EPS15L1: variants seen among roughly 807,000 people sequenced by gnomAD.
The protein encoded by EPS15L1 is epidermal growth factor receptor substrate 15-like 1.
Under a neutral mutation model 117.1 loss-of-function variants are expected in EPS15L1, and 43 were observed. That is an observed-to-expected ratio of 0.37 (90% CI 0.29 to 0.47). The LOEUF is 0.47. EPS15L1 is among the 20% of genes least tolerant of loss of function. EPS15L1 has a pLI of 0.99. For synonymous variants in EPS15L1, 459 were observed against 470.5 expected, an observed-to-expected ratio of 0.98 and a Z score of 0.32; for missense variants, 981 against 1,164.0, an observed-to-expected ratio of 0.84 and a Z score of 2.29.
rs902893673 is a variant in EPS15L1, at chr19:16,371,477, G to T, written c.2380+5645C>A. On this transcript the variant is annotated intron_variant, in intron 22 of 23. Transcript: ENST00000455140. This position sits in a 1 kb window ranked among gnomAD's most constrained non-coding sequence, Gnocchi z 4.7. ...TGTTCGTTAGTGCAACTGTGGGGAG[G>T]GGGCGAAAAGACATGCTCATCACCA... 6.6e-6 allele frequency among the ~76,000 whole-genome samples: 1 copy of T among 152,206 alleles called. No individual in the cohort carries two copies. The highest frequency in any genetic ancestry group is 1.5e-5 in the Non-Finnish European group (1 of 68,024).
rs1238286445 is a variant in EPS15L1 at position 16,402,552 on chromosome 19, T to C, written c.1627-67A>G. 4 of 1,460,750 alleles carry C rather than the reference T, an allele frequency of 2.7e-6. No individual in the cohort carries two copies. The East Asian group carries it at 6.9e-5, about 25-fold the overall frequency. The allele number at this position is 1,460,750 out of a possible 1,614,324, so 90.5% of individuals were successfully genotyped here. A position where few individuals can be genotyped will look rare whatever the true frequency, so the allele number is the denominator to read the frequency against. On this transcript the variant is annotated intron_variant, in intron 15 of 23. Transcript: ENST00000455140. ...AAACATGTCAGAAAAGACGCTTTTTTTTTTTAAAACACAGGGTCTCACTCT... is the reference window on the plus strand; with the variant it reads ...AAACATGTCAGAAAAGACGCTTTTTCTTTTTAAAACACAGGGTCTCACTCT...
At chr19:16,424,234 G>T (rs1449262695) in intron 9 of EPS15L1, among the ~76,000 whole-genome samples, 1 of 152,172 alleles carries the variant, frequency 6.6e-6, no homozygotes, top group Non-Finnish European at 1.5e-5. Context: ...GTTGGAGTAG[G>T]GGGAGCATGT....
intron 23 of EPS15L1, among the ~76,000 whole-genome samples, chr19:16,360,521 C>T (rs1289064664): frequency 1.3e-5 from 2 of 151,726 alleles, no homozygotes; most frequent in East Asian, 1.9e-4. Context: ...GTGGGAGGAT[C>T]GCTTGAGGCC....
intron 11 of EPS15L1, 100 bp downstream of exon 11, chr19:16,417,848 G>A: frequency 6.7e-7 from 1 of 1,485,204 alleles, no homozygotes; most frequent in Non-Finnish European, 9.1e-7. Flanking sequence ...ACCACAGGCA[G>A]CACCCGCCAC....
intron 19 of EPS15L1, among the ~76,000 whole-genome samples, chr19:16,390,828 T>A (rs1181934856): frequency 3.3e-5 from 5 of 152,182 alleles, no homozygotes; most frequent in African/African-American, 9.7e-5. Flanking sequence ...TATTCAAATA[T>A]ATGAAATACA....
At position 16,441,941 on chromosome 19, in the gene EPS15L1, GC is replaced by G; in HGVS notation, c.115del (p.Ala39LeufsTer5). 6.2e-7 allele frequency: 1 copy of G among 1,614,098 alleles called. No homozygotes were observed. The highest frequency in any genetic ancestry group is 8.5e-7 in the Non-Finnish European group (1 of 1,179,986). On this transcript the variant is annotated frameshift_variant, in exon 3 of 24. Coordinates refer to ENST00000455140, the MANE Select transcript of EPS15L1 (RefSeq NM_001258374.3). LOFTEE classifies it high-confidence loss of function. ...GCCAGACTTCTTTAGAAAAAGCGCA[GC>G]TTCACTCGCCCCCACCCTCCCTGTG... Reference protein sequence around the residue: ...AYTGRVGASEAALFLKKSGLS... With the variant: ...AYTGRVGASEXALFLKKSGLS...
chr19:16,384,243 G>C (rs1205505003), intron 21 of EPS15L1: 2 of 152,274 alleles, frequency 1.3e-5, no homozygotes, highest in Non-Finnish European at 2.9e-5. Flanking sequence ...AGGTGTCAGG[G>C]ACGGGACACA....
rs2092512151 is a variant in EPS15L1, at chr19:16,393,951, C to G, written c.1966G>C (p.Asp656His). Residue 656 changes from aspartate (D) to histidine (H), a missense_variant and splice_region_variant, in exon 18 of 24, where the codon GAT becomes CAT. Around this residue, in one of 5 missense-constraint regions of EPS15L1, gnomAD observed 819 missense variants for 949.0 expected, o/e 0.86. Coordinates refer to ENST00000455140, the MANE Select transcript of EPS15L1 (RefSeq NM_001258374.3). ...PFAEQQTTST[D>H]PFGGDPFKES... ...CGGTCCGGGAAACACTGAATTTTAC[C>G]TGTTGAAGTTGTCTGCTGTTCTGCA... 1 of 1,613,896 alleles carries G rather than the reference C, an allele frequency of 6.2e-7. No homozygotes were observed. The highest frequency in any genetic ancestry group is 1.3e-5 in the African/African-American group (1 of 74,914).
chr19:16,413,347 G>A, intron 13 of EPS15L1: 1 of 694,180 alleles, frequency 1.4e-6, no homozygotes, highest in Non-Finnish European at 2.6e-6. Flanking sequence ...ATGATGGCTA[G>A]TATCAATGAC....
Position 16,355,323 on chromosome 19 carries a change from T to C in EPS15L1, c.*382A>G, listed in dbSNP as rs959129837. The C allele has an allele frequency of 3.6e-5, 8 of 223,952 alleles. No individual in the cohort carries two copies. Among genetic ancestry groups the C allele is most frequent in the Non-Finnish European group, 6.8e-5 (8 of 117,096 alleles). 13.9% of individuals were successfully genotyped at this position (223,952 alleles called of 1,614,324 possible). On this transcript the variant is annotated 3_prime_UTR_variant, in exon 24 of 24. Coordinates refer to ENST00000455140, the MANE Select transcript of EPS15L1 (RefSeq NM_001258374.3). ...GAGTGCATACACCACTGGGGGAGTG[T>C]CTGACTGATGCGTGGGAGGGCGGGT...
At chr19:16,374,046 T>C (rs1414833819) in intron 22 of EPS15L1, among the ~76,000 whole-genome samples, 2 of 152,244 alleles carry the variant, frequency 1.3e-5, no homozygotes, top group Non-Finnish European at 2.9e-5. Context: ...GCGCGTGCAT[T>C]GGCTGTTTTA....
Position 16,404,653 on chromosome 19 carries a change from G to C in EPS15L1, c.1363C>G (p.Gln455Glu). The C allele has an allele frequency of 6.2e-7, 1 of 1,614,184 alleles. No homozygotes were observed. The highest frequency in any genetic ancestry group is 8.5e-7 in the Non-Finnish European group (1 of 1,180,040). ...AGCATGTCTCGGAGCTTGGCCTTCTGCTGGTCCATCTCGTCCAGGCGGTCT... is the reference window on the plus strand; with the variant it reads ...AGCATGTCTCGGAGCTTGGCCTTCTCCTGGTCCATCTCGTCCAGGCGGTCT... ...AQDRLDEMDQ[Q>E]KAKLRDMLSD... Residue 455 changes from glutamine (Q) to glutamate (E), a missense_variant, in exon 14 of 24, where the codon CAG becomes GAG. Gln to Glu is a conservative substitution (Grantham distance 29). Transcript: ENST00000455140. This position sits in a 1 kb window ranked among gnomAD's most constrained non-coding sequence, Gnocchi z 4.2.
Position 16,386,004 on chromosome 19 carries a change from C to T in EPS15L1, c.2164+167G>A, listed in dbSNP as rs1269202893. On this transcript the variant is annotated intron_variant, in intron 20 of 23. Coordinates refer to ENST00000455140, the MANE Select transcript of EPS15L1 (RefSeq NM_001258374.3). ...GCGTGCCCAGGAAGGGGAGCAGCAG[C>T]GGGTGCTTGTTTTGGCCTAATGGGC... Among the ~76,000 whole-genome samples the T allele has an allele frequency of 5.3e-5, 8 of 152,310 alleles. No homozygotes were observed. The South Asian group carries it at 1.0e-3, about 20-fold the overall frequency.
chr19:16,458,278 C>T (rs926195748), intron 1 of EPS15L1, among the ~76,000 whole-genome samples: 1 of 152,146 alleles, frequency 6.6e-6, no homozygotes, highest in African/African-American at 2.4e-5. Context: ...AGGCACCCCT[C>T]GAGGCTCCCG....
In EPS15L1 at chr19:16,468,784, GA is replaced by G. The variant is rs1465325225; in HGVS notation, c.33+3128del. 2.0e-5 allele frequency among the ~76,000 whole-genome samples: 3 copies of G among 152,322 alleles called. No homozygotes were observed. In the East Asian group the frequency reaches 5.8e-4, roughly 29 times the overall value. ...TCCAATACTTTAGGAGGCTGAGATA[GA>G]AGGATTGCTTGAGGCTAGGGGTTTA... On this transcript the variant is annotated intron_variant, in intron 1 of 23. Coordinates refer to ENST00000455140, the MANE Select transcript of EPS15L1 (RefSeq NM_001258374.3).
At chr19:16,403,020 G>T (rs78918233) in intron 15 of EPS15L1, among the ~76,000 whole-genome samples, 1 of 152,132 alleles carries the variant, frequency 6.6e-6, no homozygotes, top group Non-Finnish European at 1.5e-5. Context: ...CCATGCTTGC[G>T]ATCAACTGTG....
chr19:16,402,544 CG>C, intron 15 of EPS15L1, 59 bp from the exon 16 acceptor site: 5 of 1,466,252 alleles, frequency 3.4e-6, no homozygotes, highest in South Asian at 1.3e-5. Context: ...TCAGAAAAGA[CG>C]CTTTTTTTTT....
chr19:16,355,880 T>A, intron 23 of EPS15L1, 29 bp from the exon 24 acceptor site: 1 of 1,532,676 alleles, frequency 6.5e-7, no homozygotes, highest in Non-Finnish European at 8.7e-7. Flanking sequence ...GAGTGGGTGA[T>A]GTGGCCCTGG....
At chr19:16,435,580 G>A (rs1208396542) in intron 6 of EPS15L1, among the ~76,000 whole-genome samples, 4 of 152,022 alleles carry the variant, frequency 2.6e-5, no homozygotes, top group Non-Finnish European at 5.9e-5. Flanking sequence ...CTCAGTCACA[G>A]AGATGAGATC....
Sources: gnomAD v4.1 joint callset for allele counts (sites outside exome capture counted in the v4.1 genomes callset) on GRCh38, gnomAD v4.1.1 for gene constraint, gnomAD v4.1.1 regional missense constraint, Gnocchi (gnomAD v3.1) non-coding constraint, MANE v1.5 for transcripts, NCBI Gene and HGNC (gene_info 2026-07-23, HGNC 2026-07-21) for gene names.